The following PAN3 variants were observed in gnomAD, a reference collection of about 807,000 sequenced individuals.
PAN3 encodes PAN2-PAN3 deadenylation complex subunit PAN3.
In PAN3, 19 loss-of-function variants were observed where a neutral mutation model predicts 96.2. The observed-to-expected ratio is 0.20, with a 90% CI of 0.14 to 0.29. PAN3 has a LOEUF of 0.29. PAN3 is among the 10% of genes least tolerant of loss of function. The pLI is 1.00. For synonymous variants in PAN3, 433 were observed against 406.6 expected (o/e 1.06, Z -0.78); for missense variants, 882 against 1,108.1 (o/e 0.80, Z 2.90).
At chr13:28,186,840 G>A (rs1019670728) in intron 4 of PAN3, among the ~76,000 whole-genome samples, 4 of 151,832 alleles carry the variant, frequency 2.6e-5, no homozygotes, top group African/African-American at 9.7e-5. Flanking sequence ...GAATGCATTT[G>A]GTAAGGGACT....
chr13:28,234,363 G>T lies in PAN3; in HGVS notation c.1000+13985G>T, dbSNP rs139716937. On this transcript the variant is annotated intron_variant, in intron 6 of 18. Transcript: ENST00000380958. ...GGCCTCCATATGTTAATAATTAGAA[G>T]AAAACTTTAATATATTGTTTATTAT... 2.0e-4 allele frequency among the ~76,000 whole-genome samples: 30 copies of T among 152,138 alleles called. No homozygotes were observed. The East Asian group carries it at 5.6e-3, about 28-fold the overall frequency.
At chr13:28,190,632 G>A (rs143661051) in intron 4 of PAN3, among the ~76,000 whole-genome samples, 1 of 152,286 alleles carries the variant, frequency 6.6e-6, no homozygotes, top group East Asian at 1.9e-4. Flanking sequence ...AAATACCCGA[G>A]ACTGGGTAAT....
At chr13:28,205,872 A>G (rs1005526885) in intron 5 of PAN3, among the ~76,000 whole-genome samples, 2 of 151,592 alleles carry the variant, frequency 1.3e-5, no homozygotes, top group Admixed American at 6.6e-5. Context: ...AAAAAAAAAA[A>G]AAAAAGAAAA....
intron 4 of PAN3, 48 bp from the exon 5 acceptor site, chr13:28,197,137 T>G (rs748120409): frequency 1.2e-5 from 19 of 1,581,090 alleles, no homozygotes. Flanking sequence ...TTTAGATTAG[T>G]GTGGGGGATG....
intron 6 of PAN3, among the ~76,000 whole-genome samples, chr13:28,255,172 A>G (rs1885039346): frequency 6.6e-6 from 1 of 152,106 alleles, no homozygotes; most frequent in South Asian, 2.1e-4. Flanking sequence ...GAGGTGGCAT[A>G]TTATTTCAGT....
Position 28,260,503 on chromosome 13 carries a change from A to G in PAN3, c.1305A>G (p.Gln435=), listed in dbSNP as rs760284206. The change falls in exon 8 of 19, where the codon CAA becomes CAG. Residue 435 remains glutamine (Q), a synonymous_variant. Coordinates refer to ENST00000380958, the MANE Select transcript of PAN3 (RefSeq NM_175854.8). The part of the protein sequence containing the change: ...PPTAPHVAYM[Q]PKANAPSFFM... ...CTGCACCTCACGTTGCTTATATGCA[A>G]CCGAAAGCAAACGCACCTTCCTTCT... The G allele has an allele frequency of 3.1e-6, 5 of 1,613,772 alleles. No individual in the cohort carries two copies. Among genetic ancestry groups the G allele is most frequent in the Non-Finnish European group, 3.4e-6 (4 of 1,179,722 alleles).
At chr13:28,239,713 G>A (rs1313147898) in intron 6 of PAN3, 15 of 1,254,220 alleles carry the variant, frequency 1.2e-5, no homozygotes, top group Non-Finnish European at 1.6e-5. Flanking sequence ...TTGTTTAACT[G>A]AAGGGATTGT....
At chr13:28,197,789 T>C (rs1370324918) in intron 5 of PAN3, among the ~76,000 whole-genome samples, 1 of 152,022 alleles carries the variant, frequency 6.6e-6, no homozygotes, top group East Asian at 1.9e-4. Context: ...CAGGCTGGTC[T>C]CGAACTCCTA....
chr13:28,168,509 A>G (rs1288386941), intron 1 of PAN3, among the ~76,000 whole-genome samples: 2 of 152,148 alleles, frequency 1.3e-5, no homozygotes, highest in East Asian at 1.9e-4. Context: ...ACTTGAGGCC[A>G]GGAGTTTGAG....
intron 6 of PAN3, among the ~76,000 whole-genome samples, chr13:28,244,502 C>A (rs1365815479): frequency 6.6e-6 from 1 of 152,106 alleles, no homozygotes; most frequent in Non-Finnish European, 1.5e-5. Flanking sequence ...AGCAGGTCAT[C>A]TCCTCCCTTG....
intron 6 of PAN3, among the ~76,000 whole-genome samples, chr13:28,236,035 T>C (rs1485916341): frequency 6.6e-6 from 1 of 152,100 alleles, no homozygotes; most frequent in Non-Finnish European, 1.5e-5. Context: ...ATGGCCTTCA[T>C]GTTAGTTTTA....
At chr13:28,151,484 C>T (rs975569560) in intron 1 of PAN3, among the ~76,000 whole-genome samples, 2 of 151,696 alleles carry the variant, frequency 1.3e-5, no homozygotes, top group Non-Finnish European at 2.9e-5. Flanking sequence ...CACTGCACTC[C>T]AGCCTAGGTG....
intron 14 of PAN3, among the ~76,000 whole-genome samples, chr13:28,276,828 C>G (rs933007982): frequency 3.3e-5 from 5 of 151,962 alleles, no homozygotes; most frequent in African/African-American, 1.2e-4. Context: ...GTGGTCATAG[C>G]AAAGCAAATG....
intron 4 of PAN3, among the ~76,000 whole-genome samples, chr13:28,194,946 T>C (rs1470200634): frequency 1.3e-5 from 2 of 152,040 alleles, no homozygotes; most frequent in Middle Eastern, 3.2e-3. Context: ...CGTGGTTCCA[T>C]GGCATGAATC....
At chr13:28,274,262 TTCTTA>T (rs1886877026) in intron 14 of PAN3, among the ~76,000 whole-genome samples, 1 of 152,182 alleles carries the variant, frequency 6.6e-6, no homozygotes, top group Non-Finnish European at 1.5e-5. Context: ...GCTACTTTCA[TTCTTA>T]TCTTCTCTCT....
intron 17 of PAN3, 100 bp from the exon 18 acceptor site, chr13:28,287,884 T>C (rs1869188357): frequency 8.2e-7 from 1 of 1,215,974 alleles, no homozygotes; most frequent in Non-Finnish European, 1.1e-6. Context: ...ATTTTTTGTT[T>C]ATTGGGAAAA....
At chr13:28,201,561 A>T (rs1055992621) in intron 5 of PAN3, among the ~76,000 whole-genome samples, 20 of 145,452 alleles carry the variant, frequency 1.4e-4, no homozygotes, top group Non-Finnish European at 2.4e-4. Context: ...AGTAATAATA[A>T]TTTTTTTTTT....
chr13:28,248,871 T>C (rs1593557929), intron 6 of PAN3, among the ~76,000 whole-genome samples: 1 of 152,204 alleles, frequency 6.6e-6, no homozygotes, highest in African/African-American at 2.4e-5. Context: ...TTTATTGTTT[T>C]GGTGTAAGTT....
intron 6 of PAN3, among the ~76,000 whole-genome samples, chr13:28,249,090 T>C (rs1017060675): frequency 5.9e-5 from 9 of 152,214 alleles, no homozygotes; most frequent in African/African-American, 2.2e-4. Flanking sequence ...TGATGAAGCC[T>C]GATTAAAAAA....
Sources: allele counts gnomAD v4.1 joint callset (sites outside exome capture counted in the v4.1 genomes callset), GRCh38; gene constraint gnomAD v4.1.1; transcripts MANE v1.5; gene names NCBI Gene and HGNC (gene_info 2026-07-23, HGNC 2026-07-21).